The following HK2 variants were observed in gnomAD, a reference collection of about 807,000 sequenced individuals.
The protein encoded by HK2 is hexokinase-2.
In HK2, 42 loss-of-function variants were observed where a neutral mutation model predicts 92.9. The ratio of observed to expected loss-of-function variants is 0.45; its 90% CI spans 0.35 to 0.58. HK2 has a LOEUF of 0.58. HK2 is among the 20% of genes least tolerant of loss of function. The pLI, the probability that HK2 is intolerant of heterozygous loss-of-function variation, is 0.00. For synonymous variants in HK2, 422 were observed against 468.0 expected, an observed-to-expected ratio of 0.90 and a Z score of 1.27; for missense variants, 978 against 1,245.1, an observed-to-expected ratio of 0.79 and a Z score of 3.23.
intron 1 of HK2, among the ~76,000 whole-genome samples, chr2:74,840,686 T>G (rs1292035967): frequency 7.3e-6 from 1 of 136,176 alleles, no homozygotes; most frequent in South Asian, 2.4e-4. Context: ...GCTAACACGG[T>G]GAAACCCCGT....
chr2:74,854,508 G>A, intron 2 of HK2, 53 bp downstream of exon 2: 1 of 1,605,628 alleles, frequency 6.2e-7, no homozygotes, highest in Non-Finnish European at 8.5e-7. Flanking sequence ...GGGTGATTTA[G>A]TTGGCTTTGC....
chr2:74,887,670 A>G (rs1341077918), intron 15 of HK2, among the ~76,000 whole-genome samples: 1 of 151,996 alleles, frequency 6.6e-6, no homozygotes, highest in Non-Finnish European at 1.5e-5. Flanking sequence ...TTATTTCCCC[A>G]GGAGCCCCAC....
At chr2:74,862,512 A>T (rs911735566) in intron 2 of HK2, among the ~76,000 whole-genome samples, 2 of 152,234 alleles carry the variant, frequency 1.3e-5, no homozygotes, top group South Asian at 4.1e-4. Context: ...GGGCCATATA[A>T]TGCAAGCACA....
In HK2 at chr2:74,881,747, C is replaced by T; in HGVS notation, c.1607C>T (p.Thr536Ile). The T allele has an allele frequency of 6.2e-7, 1 of 1,614,186 alleles. No individual in the cohort carries two copies. The highest frequency in any genetic ancestry group is 8.5e-7 in the Non-Finnish European group (1 of 1,180,042). The part of the protein sequence containing the change: ...GDFLALDLGG[T>I]NFRVLLVRVR... ...TTCTTGGCCTTGGACCTTGGAGGAA[C>T]AAATTTCCGGGTCCTGCTGGTCCGT... Residue 536 changes from threonine to isoleucine, a missense_variant, in exon 11 of 18, where the codon ACA becomes ATA. Transcript: ENST00000290573.
chr2:74,876,605 C>G (rs180871605), intron 7 of HK2, among the ~76,000 whole-genome samples: 34 of 152,260 alleles, frequency 2.2e-4, no homozygotes, highest in African/African-American at 8.2e-4. Flanking sequence ...GAGCTCGGAG[C>G]CCAGTGCAGA....
chr2:74,871,800 A>G (rs191091478), intron 3 of HK2, among the ~76,000 whole-genome samples: 13 of 152,360 alleles, frequency 8.5e-5, no homozygotes, highest in African/African-American at 2.9e-4. Flanking sequence ...ATGCCAACAG[A>G]GAATGCTGTC....
At chr2:74,840,063 C>T (rs1158777417) in intron 1 of HK2, among the ~76,000 whole-genome samples, 1 of 148,152 alleles carries the variant, frequency 6.7e-6, no homozygotes, top group Non-Finnish European at 1.5e-5. Context: ...TCCTGCCGTT[C>T]GCCTGCCTCA....
At position 74,853,696 on chromosome 2, in the gene HK2, C is replaced by CAAA. The variant is rs202112392; in HGVS notation, c.64-587_64-585dup. 6.4e-3 allele frequency among the ~76,000 whole-genome samples: 889 copies of CAAA among 139,206 alleles called. 12 individuals carry two copies. The highest frequency in any genetic ancestry group is 0.022 in the African/African-American group (819 of 37,590). 91.3% of individuals were successfully genotyped at this position (139,206 alleles called of 152,430 possible). On this transcript the variant is annotated intron_variant, in intron 1 of 17. Transcript: ENST00000290573. ...CTGGACAACTGGAGCGATACCCTGT[C>CAAA]AAAAAAAAAAAAGATAAAAAGATTA... is the stretch of plus-strand genomic sequence containing the variant.
At chr2:74,868,252 G>A (rs191857621) in intron 3 of HK2, among the ~76,000 whole-genome samples, 1 of 152,286 alleles carries the variant, frequency 6.6e-6, no homozygotes, top group East Asian at 1.9e-4. Context: ...GGTTGGAGAA[G>A]GGAGGCTGCA....
intron 1 of HK2, among the ~76,000 whole-genome samples, chr2:74,849,404 C>CACG (rs1483903881): frequency 1.4e-4 from 21 of 152,218 alleles, no homozygotes; most frequent in Non-Finnish European, 2.4e-4. Flanking sequence ...CTCTGTCTAA[C>CACG]ACGCCCTCGC....
Position 74,839,234 on chromosome 2 carries a change from A to G in HK2, c.63+4591A>G, listed in dbSNP as rs114508716. Among the ~76,000 whole-genome samples, 1,041 of 152,212 alleles carry G rather than the reference A, an allele frequency of 6.8e-3. 14 individuals carry two copies. The highest frequency in any genetic ancestry group is 0.024 in the African/African-American group (997 of 41,530). Reference sequence around the variant, plus strand: ...AGATACTTTTCAGTTGTCTAGAGAGATATGGCTGCTAGGTCAAAAGAGTGA... The same window carrying G: ...AGATACTTTTCAGTTGTCTAGAGAGGTATGGCTGCTAGGTCAAAAGAGTGA... On this transcript the variant is annotated intron_variant, in intron 1 of 17. Transcript: ENST00000290573.
At chr2:74,846,630 T>C (rs1457452947) in intron 1 of HK2, among the ~76,000 whole-genome samples, 4 of 152,246 alleles carry the variant, frequency 2.6e-5, no homozygotes, top group African/African-American at 9.6e-5. Context: ...TTCTTGTTGC[T>C]GTATACTATC....
At chr2:74,876,242 C>T (rs1308143385) in intron 7 of HK2, among the ~76,000 whole-genome samples, 1 of 152,176 alleles carries the variant, frequency 6.6e-6, no homozygotes, top group African/African-American at 2.4e-5. Context: ...TGGGTTTCCT[C>T]TCGGAAAGGT....
chr2:74,875,600 A>AT (rs1159251325), intron 7 of HK2, among the ~76,000 whole-genome samples: 2 of 152,096 alleles, frequency 1.3e-5, no homozygotes, highest in African/African-American at 4.8e-5. Flanking sequence ...AAGTGCTGGG[A>AT]TTACAGGCGT....
intron 8 of HK2, among the ~76,000 whole-genome samples, chr2:74,878,413 CTG>C (rs56015017): frequency 0.024 from 3,595 of 149,752 alleles, 83 homozygotes; most frequent in African/African-American, 0.056. Context: ...CCGTGTGTCT[CTG>C]TGTGTGTGTG....
At position 74,873,380 on chromosome 2, in the gene HK2, G is replaced by C; in HGVS notation, c.591+9G>C. The C allele has an allele frequency of 6.2e-7, 1 of 1,604,166 alleles. No individual in the cohort carries two copies. Among genetic ancestry groups the C allele is most frequent in the South Asian group, 1.1e-5 (1 of 90,856 alleles). ...CCATCCAGAGGAGAGGGGTGAGTGG[G>C]GTGGCAGGAGCTTGGGGTCTGTGGG... is the stretch of plus-strand genomic sequence containing the variant. On this transcript the variant is annotated intron_variant, in intron 5 of 17. Transcript: ENST00000290573.
Position 74,874,330 on chromosome 2 carries a change from G to A in HK2, c.756G>A (p.Glu252=). Residue 252 remains glutamate, a synonymous_variant, in exon 7 of 18, where the codon GAG becomes GAA. Coordinates refer to ENST00000290573, the MANE Select transcript of HK2 (RefSeq NM_000189.5). ...ACATCGACATGGTGGAAGGCGATGAGGGGCGGATGTGTATCAATATGGAGT... is the reference window on the plus strand; with the variant it reads ...ACATCGACATGGTGGAAGGCGATGAAGGGCGGATGTGTATCAATATGGAGT... The part of the protein sequence containing the change: ...MRHIDMVEGD[E]GRMCINMEWG... 6.2e-7 allele frequency: 1 copy of A among 1,614,174 alleles called. No individual in the cohort carries two copies. Among genetic ancestry groups the A allele is most frequent in the East Asian group, 2.2e-5 (1 of 44,866 alleles).
At position 74,850,808 on chromosome 2, in the gene HK2, TC is replaced by T. The variant is rs1688549207; in HGVS notation, c.64-3483del. Among the ~76,000 whole-genome samples the T allele has an allele frequency of 2.0e-5, 3 of 152,310 alleles. No individual in the cohort carries two copies. In the South Asian group the frequency reaches 6.2e-4, roughly 32 times the overall value. On this transcript the variant is annotated intron_variant, in intron 1 of 17. Transcript: ENST00000290573. ...CAGTGCCTACCAGGGCTGGGTGGGC[TC>T]CACTGGTGTGTTTAGGAAACTGTGG...
At chr2:74,871,823 C>T (rs1161999122) in intron 3 of HK2, among the ~76,000 whole-genome samples, 2 of 152,094 alleles carry the variant, frequency 1.3e-5, no homozygotes, top group African/African-American at 2.4e-5. Flanking sequence ...TGCAAACCAC[C>T]CCCCACCCCA....
Sources: allele counts gnomAD v4.1 joint callset (sites outside exome capture counted in the v4.1 genomes callset), GRCh38; gene constraint gnomAD v4.1.1; transcripts MANE v1.5; gene names NCBI Gene and HGNC (gene_info 2026-07-23, HGNC 2026-07-21).